SLC35F3: variants seen among roughly 807,000 people sequenced by gnomAD.
The protein encoded by SLC35F3 is putative thiamine transporter SLC35F3.
A neutral mutation model predicts 49.9 loss-of-function variants in SLC35F3; 25 were observed. That is an observed-to-expected ratio of 0.50 (90% CI 0.37 to 0.70). The LOEUF (loss-of-function observed/expected upper bound fraction) is 0.70. Among genes scored for constraint, SLC35F3 ranks in the 30% least tolerant of loss-of-function variants. SLC35F3 has a pLI of 0.00. For synonymous variants in SLC35F3, 275 were observed against 265.4 expected, an observed-to-expected ratio of 1.04 and a Z score of -0.35; for missense variants, 525 against 639.8, an observed-to-expected ratio of 0.82 and a Z score of 1.94.
At chr1:234,008,971 T>G (rs1298439160) in intron 2 of SLC35F3, among the ~76,000 whole-genome samples, 3 of 152,212 alleles carry the variant, frequency 2.0e-5, no homozygotes, top group African/African-American at 4.8e-5. Context: ...AAACCTCATT[T>G]TTTGGATATC....
At chr1:234,264,900 C>T (rs771356738) in intron 3 of SLC35F3, among the ~76,000 whole-genome samples, 1 of 152,192 alleles carries the variant, frequency 6.6e-6, no homozygotes, top group Non-Finnish European at 1.5e-5. Context: ...TTATTGTTTA[C>T]CTGGGACACT....
intron 3 of SLC35F3, among the ~76,000 whole-genome samples, chr1:234,233,999 A>G (rs765496002): frequency 2.1e-4 from 32 of 152,098 alleles, no homozygotes; most frequent in Non-Finnish European, 3.5e-4. Flanking sequence ...CTTCCTCAAA[A>G]GGAGAGAAAA....
intron 2 of SLC35F3, among the ~76,000 whole-genome samples, chr1:234,089,842 A>G (rs763274340): frequency 6.6e-5 from 10 of 151,562 alleles, no homozygotes; most frequent in Non-Finnish European, 8.8e-5. Flanking sequence ...AGAGTATGGA[A>G]ATAAAGAAAC....
chr1:234,317,286 C>G (rs1172866120), intron 5 of SLC35F3, among the ~76,000 whole-genome samples: 1 of 152,116 alleles, frequency 6.6e-6, no homozygotes, highest in Non-Finnish European at 1.5e-5. Context: ...AAAGCACTTG[C>G]CAGCTTCAGG....
chr1:234,261,411 T>C (rs750551040), intron 3 of SLC35F3, among the ~76,000 whole-genome samples: 1 of 152,200 alleles, frequency 6.6e-6, no homozygotes, highest in Non-Finnish European at 1.5e-5. Flanking sequence ...GATATAGTTA[T>C]CCTATATCCA....
chr1:234,223,153 G>T (rs536376890), intron 2 of SLC35F3, among the ~76,000 whole-genome samples: 1 of 152,318 alleles, frequency 6.6e-6, no homozygotes, highest in Admixed American at 6.5e-5. Context: ...CTTAGGCTGA[G>T]TACATTCCAG....
intron 2 of SLC35F3, among the ~76,000 whole-genome samples, chr1:234,148,886 T>C (rs1297232569): frequency 2.0e-5 from 3 of 152,180 alleles, no homozygotes; most frequent in African/African-American, 7.2e-5. Flanking sequence ...GTTTTTAGCT[T>C]GAGCAACTGG....
intron 3 of SLC35F3, among the ~76,000 whole-genome samples, chr1:234,281,631 C>T (rs960284110): frequency 1.3e-5 from 2 of 152,206 alleles, no homozygotes; most frequent in African/African-American, 4.8e-5. Flanking sequence ...CTGAGACATA[C>T]ATCATGGGAT....
intron 2 of SLC35F3, among the ~76,000 whole-genome samples, chr1:234,152,822 G>T (rs1308780089): frequency 1.3e-5 from 2 of 152,142 alleles, no homozygotes; most frequent in Non-Finnish European, 2.9e-5. Flanking sequence ...CACAATAGTT[G>T]AACTAATTTA....
At position 234,089,152 on chromosome 1, in the gene SLC35F3, C is replaced by T. The variant is rs180975782; in HGVS notation, c.284-142265C>T. Among the ~76,000 whole-genome samples the T allele has an allele frequency of 6.6e-5, 10 of 152,290 alleles. No individual in the cohort carries two copies. In the East Asian group the frequency reaches 1.7e-3, roughly 26 times the overall value. On this transcript the variant is annotated intron_variant, in intron 2 of 7. Coordinates refer to ENST00000366618, the MANE Select transcript of SLC35F3 (RefSeq NM_173508.4). ...AGAAGAACTTGGATTTAAGAGTCCT[C>T]ACCCAGGGCACACACTTTTCCACCG...
intron 2 of SLC35F3, among the ~76,000 whole-genome samples, chr1:234,204,261 AT>A (rs1490047173): frequency 2.0e-5 from 3 of 152,220 alleles, no homozygotes; most frequent in African/African-American, 4.8e-5. Context: ...GATATATATT[AT>A]CAACCTTCTA....
intron 3 of SLC35F3, among the ~76,000 whole-genome samples, chr1:234,299,166 C>T (rs779714250): frequency 6.6e-6 from 1 of 152,154 alleles, no homozygotes; most frequent in African/African-American, 2.4e-5. Flanking sequence ...GCTGTTACCC[C>T]TCAAGGCATT....
intron 3 of SLC35F3, among the ~76,000 whole-genome samples, chr1:234,253,689 C>T (rs561132640): frequency 1.1e-4 from 17 of 152,242 alleles, no homozygotes; most frequent in Middle Eastern, 6.8e-3. Context: ...GTCAGTATGA[C>T]CATCCAGGGT....
At chr1:233,919,787 C>T (rs541465238) in intron 2 of SLC35F3, among the ~76,000 whole-genome samples, 4 of 152,084 alleles carry the variant, frequency 2.6e-5, no homozygotes, top group Admixed American at 6.5e-5. Flanking sequence ...GGTCACAGGG[C>T]GGGGGTTGGT....
At chr1:234,207,212 C>G (rs1325431217) in intron 2 of SLC35F3, among the ~76,000 whole-genome samples, 1 of 151,726 alleles carries the variant, frequency 6.6e-6, no homozygotes, top group African/African-American at 2.4e-5. Flanking sequence ...CCTCTGAGAT[C>G]AAGCCAGGGA....
chr1:233,947,698 T>C (rs1315746256), intron 2 of SLC35F3, among the ~76,000 whole-genome samples: 1 of 150,076 alleles, frequency 6.7e-6, no homozygotes, highest in Non-Finnish European at 1.5e-5. Flanking sequence ...ATCTGAATTT[T>C]ATCAAGCATC....
Position 233,906,312 on chromosome 1 carries a change from T to C in SLC35F3, c.283+554T>C, listed in dbSNP as rs564911708. On this transcript the variant is annotated intron_variant, in intron 2 of 7. Transcript: ENST00000366618. ...TAAGGAGGTTCTATAGGGATCATTCTAGATAGTGGTGTTGGTCCCTGCAAG... is the reference window on the plus strand; with the variant it reads ...TAAGGAGGTTCTATAGGGATCATTCCAGATAGTGGTGTTGGTCCCTGCAAG... Among the ~76,000 whole-genome samples the C allele has an allele frequency of 6.6e-5, 10 of 152,298 alleles. No homozygotes were observed. In the South Asian group the frequency reaches 2.1e-3, roughly 32 times the overall value.
At chr1:234,005,177 C>A (rs1221531859) in intron 2 of SLC35F3, among the ~76,000 whole-genome samples, 1 of 152,102 alleles carries the variant, frequency 6.6e-6, no homozygotes, top group Non-Finnish European at 1.5e-5. Flanking sequence ...AAAAACCTAA[C>A]CTAAACCCTA....
chr1:233,916,824 C>T (rs1021002467), intron 2 of SLC35F3, among the ~76,000 whole-genome samples: 7 of 152,062 alleles, frequency 4.6e-5, no homozygotes, highest in African/African-American at 9.7e-5. Flanking sequence ...TGGACGAGGC[C>T]GAGGCTTCAG....
Sources: gnomAD v4.1 joint callset for allele counts (sites outside exome capture counted in the v4.1 genomes callset) on GRCh38, gnomAD v4.1.1 for gene constraint, MANE v1.5 for transcripts, NCBI Gene and HGNC (gene_info 2026-07-23, HGNC 2026-07-21) for gene names.